The following CNTNAP5 variants were observed in gnomAD, a reference collection of about 807,000 sequenced individuals.
CNTNAP5 encodes the protein contactin associated protein family member 5, also known as contactin-associated protein-like 5.
In CNTNAP5, 72 loss-of-function variants were observed where a neutral mutation model predicts 150.2. The ratio of observed to expected loss-of-function variants is 0.48; its 90% CI spans 0.40 to 0.58. The LOEUF is 0.58. Ranked by LOEUF, CNTNAP5 falls within the 20% of genes least tolerant of loss-of-function variation. The pLI, the probability that CNTNAP5 is intolerant of heterozygous loss-of-function variation, is 0.00. For synonymous variants in CNTNAP5, 672 were observed against 619.8 expected (o/e 1.08, Z -1.25); for missense variants, 1,636 against 1,626.2 (o/e 1.01, Z -0.10).
intron 11 of CNTNAP5, among the ~76,000 whole-genome samples, chr2:124,607,172 A>G (rs1005238434): frequency 2.0e-5 from 3 of 152,158 alleles, no homozygotes; most frequent in African/African-American, 7.2e-5. Flanking sequence ...AACAACAGAC[A>G]TTATCATCTC....
chr2:124,399,200 G>A (rs1691341554), intron 3 of CNTNAP5, among the ~76,000 whole-genome samples: 1 of 152,048 alleles, frequency 6.6e-6, no homozygotes, highest in Non-Finnish European at 1.5e-5. Context: ...AGAAAAAGTT[G>A]AAAGTCACCT....
intron 14 of CNTNAP5, among the ~76,000 whole-genome samples, chr2:124,754,782 AC>A (rs1573595214): frequency 6.6e-6 from 1 of 151,818 alleles, no homozygotes; most frequent in East Asian, 1.9e-4. Context: ...CAAACTCCTG[AC>A]CTCAAGCAAT....
At chr2:124,444,983 C>A (rs543359070) in intron 5 of CNTNAP5, among the ~76,000 whole-genome samples, 1 of 152,234 alleles carries the variant, frequency 6.6e-6, no homozygotes, top group East Asian at 1.9e-4. Context: ...ACACTAAGAC[C>A]ACGAAGACCT....
intron 17 of CNTNAP5, among the ~76,000 whole-genome samples, chr2:124,788,620 A>C (rs1181975596): frequency 2.3e-5 from 2 of 86,094 alleles, no homozygotes; most frequent in African/African-American, 1.0e-4. Flanking sequence ...TTTTTTTTTG[A>C]GACAGAGTCT....
intron 1 of CNTNAP5, among the ~76,000 whole-genome samples, chr2:124,035,753 A>G (rs1307605245): frequency 4.6e-5 from 7 of 152,216 alleles, no homozygotes; most frequent in Non-Finnish European, 8.8e-5. Context: ...AGCTTAACCC[A>G]TAGCAGAGGG....
At position 124,243,830 on chromosome 2, in the gene CNTNAP5, A is replaced by G. The variant is rs945730461; in HGVS notation, c.381+1437A>G. Among the ~76,000 whole-genome samples, 27 of 152,274 alleles carry G rather than the reference A, an allele frequency of 1.8e-4. No homozygotes were observed. In the South Asian group the frequency reaches 5.2e-3, roughly 29 times the overall value. Reference sequence around the variant, plus strand: ...CTAAAATAAAAGTTGAAAAAGAAAAAAAATTGTATTTTGGGGACTATTTTA... The same window carrying G: ...CTAAAATAAAAGTTGAAAAAGAAAAGAAATTGTATTTTGGGGACTATTTTA... On this transcript the variant is annotated intron_variant, in intron 3 of 23. Coordinates refer to ENST00000682447, the MANE Select transcript of CNTNAP5 (RefSeq NM_001367498.1).
At chr2:124,120,849 G>T (rs1573768407) in intron 1 of CNTNAP5, among the ~76,000 whole-genome samples, 1 of 152,122 alleles carries the variant, frequency 6.6e-6, no homozygotes, top group African/African-American at 2.4e-5. Context: ...AAGTGCCTGG[G>T]TATGCAATCA....
intron 3 of CNTNAP5, among the ~76,000 whole-genome samples, chr2:124,243,804 C>A (rs191169520): frequency 6.6e-6 from 1 of 151,986 alleles, no homozygotes; most frequent in East Asian, 1.9e-4. Flanking sequence ...ACCCCTTGAA[C>A]CTAAAATAAA....
intron 10 of CNTNAP5, among the ~76,000 whole-genome samples, chr2:124,551,312 C>T (rs976245860): frequency 4.6e-5 from 7 of 152,182 alleles, no homozygotes; most frequent in Admixed American, 1.3e-4. Context: ...TTTTTATTCC[C>T]TTAATTTCTT....
chr2:124,902,599 C>T (rs904749890), intron 21 of CNTNAP5, among the ~76,000 whole-genome samples: 1 of 152,058 alleles, frequency 6.6e-6, no homozygotes, highest in Non-Finnish European at 1.5e-5. Flanking sequence ...TGTTACAGTT[C>T]ATAAAATACA....
intron 1 of CNTNAP5, among the ~76,000 whole-genome samples, chr2:124,170,431 T>C (rs72835221): frequency 0.11 from 16,015 of 152,176 alleles, 958 homozygotes; most frequent in Middle Eastern, 0.19. Flanking sequence ...AGTATTAGCA[T>C]TGTGTGCAGA....
chr2:124,136,055 G>A (rs1163446697), intron 1 of CNTNAP5, among the ~76,000 whole-genome samples: 1 of 152,122 alleles, frequency 6.6e-6, no homozygotes, highest in African/African-American at 2.4e-5. Context: ...GCTAATCTAC[G>A]GCATGTGGTT....
chr2:124,435,018 T>C (rs575790979), intron 5 of CNTNAP5, among the ~76,000 whole-genome samples: 32 of 152,308 alleles, frequency 2.1e-4, no homozygotes, highest in African/African-American at 7.2e-4. Flanking sequence ...TCAGAATCTA[T>C]GCTATTAGGT....
At chr2:124,582,936 C>T (rs1349918219) in intron 11 of CNTNAP5, among the ~76,000 whole-genome samples, 1 of 151,954 alleles carries the variant, frequency 6.6e-6, no homozygotes, top group African/African-American at 2.4e-5. Flanking sequence ...TTCAGTTTTT[C>T]CTCTAGTATG....
chr2:124,178,872 T>C (rs946947245), intron 1 of CNTNAP5, among the ~76,000 whole-genome samples: 2 of 152,050 alleles, frequency 1.3e-5, no homozygotes, highest in Non-Finnish European at 2.9e-5. Context: ...TGAATATGAA[T>C]ACAATACTTG....
intron 22 of CNTNAP5, among the ~76,000 whole-genome samples, chr2:124,908,510 T>C (rs1447777575): frequency 6.6e-6 from 1 of 152,124 alleles, no homozygotes; most frequent in African/African-American, 2.4e-5. Context: ...TAGACAGTGG[T>C]CCTATAAGAC....
In CNTNAP5 at chr2:124,025,681, T is replaced by C; in HGVS notation, c.31T>C (p.Leu11=). Residue 11 remains leucine (L), a synonymous_variant, in exon 1 of 24, where the codon TTG becomes CTG. Transcript: ENST00000682447. ...TTCTTTACCACGGCTGACCAGCGTT[T>C]TGACTTTGCTGTTCTCTGGCTTGTG... The part of the protein sequence containing the change: MDSLPRLTSV[L]TLLFSGLWHL... The C allele has an allele frequency of 6.2e-7, 1 of 1,613,890 alleles. No individual in the cohort carries two copies. Among genetic ancestry groups the C allele is most frequent in the Non-Finnish European group, 8.5e-7 (1 of 1,179,864 alleles).
At chr2:124,772,491 A>G (rs1573607026) in intron 16 of CNTNAP5, among the ~76,000 whole-genome samples, 2 of 152,110 alleles carry the variant, frequency 1.3e-5, no homozygotes, top group East Asian at 1.9e-4. Context: ...ACACAGCTGA[A>G]GCCACAATAG....
chr2:124,843,549 C>G (rs543419876), intron 19 of CNTNAP5, among the ~76,000 whole-genome samples: 1 of 151,102 alleles, frequency 6.6e-6, no homozygotes, highest in Non-Finnish European at 1.5e-5. Context: ...TGAATCTAAC[C>G]GTAGATCTAC....
Sources: gnomAD v4.1 joint callset for allele counts (sites outside exome capture counted in the v4.1 genomes callset) on GRCh38, gnomAD v4.1.1 for gene constraint, MANE v1.5 for transcripts, NCBI Gene and HGNC (gene_info 2026-07-23, HGNC 2026-07-21) for gene names.